GLIPR1L1: variants seen among roughly 807,000 people sequenced by gnomAD.
GLIPR1L1 encodes the protein GLIPR1 like 1, also known as GLIPR1-like protein 1.
GLIPR1L1 carries 26 observed loss-of-function variants against 29.9 expected under a neutral mutation model. The observed-to-expected ratio is 0.87, with a 90% CI of 0.64 to 1.21. The LOEUF (loss-of-function observed/expected upper bound fraction) is 1.21, where lower values mean the gene tolerates loss of function less well. GLIPR1L1 is among the 50% of genes most tolerant of loss of function. The probability of loss-of-function intolerance (pLI) is 0.00; values close to 1 mark genes in which losing one functional copy is unlikely to be tolerated. For missense variants in GLIPR1L1, 305 were observed against 290.3 expected (o/e 1.05, Z -0.37); for synonymous variants, 77 against 97.5 (o/e 0.79, Z 1.24).
intron 4 of GLIPR1L1, among the ~76,000 whole-genome samples, chr12:75,369,173 C>T (rs921259143): frequency 1.3e-4 from 20 of 151,862 alleles, no homozygotes; most frequent in Non-Finnish European, 2.1e-4. Flanking sequence ...ATTAAATACA[C>T]AAAATTATTT....
At chr12:75,335,363 G>GA (rs954545954) in intron 1 of GLIPR1L1, among the ~76,000 whole-genome samples, 1 of 151,712 alleles carries the variant, frequency 6.6e-6, no homozygotes, top group Admixed American at 6.6e-5. Context: ...AGTATTATTT[G>GA]AAAAAAATAC....
chr12:75,360,128 A>G (rs1355677674), intron 3 of GLIPR1L1: 1 of 152,116 alleles, frequency 6.6e-6, no homozygotes, highest in Non-Finnish European at 1.5e-5. Context: ...CTCTCTCAAC[A>G]TGTGGAGATT....
chr12:75,364,822 A>G (rs1389260234), intron 4 of GLIPR1L1: 1 of 152,148 alleles, frequency 6.6e-6, no homozygotes, highest in Non-Finnish European at 1.5e-5. Context: ...AAAATTTTTA[A>G]TATATAATTA....
intron 3 of GLIPR1L1, among the ~76,000 whole-genome samples, chr12:75,350,168 C>T (rs1055998839): frequency 6.6e-6 from 1 of 152,252 alleles, no homozygotes; most frequent in Non-Finnish European, 1.5e-5. Flanking sequence ...CACATTCCTT[C>T]TTGCCAGGCA....
intron 3 of GLIPR1L1, chr12:75,359,762 T>C (rs1245048384): frequency 6.6e-6 from 1 of 152,124 alleles, no homozygotes; most frequent in Non-Finnish European, 1.5e-5. Flanking sequence ...TAAATCATAC[T>C]GGAACAATTA....
intron 3 of GLIPR1L1, among the ~76,000 whole-genome samples, chr12:75,348,039 G>A (rs572228911): frequency 4.0e-4 from 61 of 152,186 alleles, no homozygotes; most frequent in Non-Finnish European, 2.5e-4. Context: ...GCTGGCAGAT[G>A]CTTCTCTAAT....
intron 3 of GLIPR1L1, among the ~76,000 whole-genome samples, chr12:75,353,864 T>C (rs1273703000): frequency 6.6e-6 from 1 of 152,078 alleles, no homozygotes; most frequent in Non-Finnish European, 1.5e-5. Flanking sequence ...TGTAATTCAT[T>C]ATATCATCAG....
intron 3 of GLIPR1L1, 118 bp from the exon 4 acceptor site, chr12:75,362,983 TA>T (rs1460625167): frequency 1.9e-6 from 1 of 530,030 alleles, no homozygotes; most frequent in Non-Finnish European, 3.4e-6. Context: ...GAGACATTAT[TA>T]TTTTTCATTT....
At chr12:75,356,984 C>T (rs2043195923) in intron 3 of GLIPR1L1, among the ~76,000 whole-genome samples, 1 of 151,990 alleles carries the variant, frequency 6.6e-6, no homozygotes, top group Admixed American at 6.6e-5. Context: ...GCAAGAAATT[C>T]AAGACCAGCC....
chr12:75,367,779 T>G (rs1383715719), intron 4 of GLIPR1L1, among the ~76,000 whole-genome samples: 1 of 152,148 alleles, frequency 6.6e-6, no homozygotes, highest in African/African-American at 2.4e-5. Context: ...TTCTAATCTT[T>G]ATATTATTTA....
At chr12:75,337,299 A>G (rs1028423585) in intron 1 of GLIPR1L1, among the ~76,000 whole-genome samples, 1 of 151,814 alleles carries the variant, frequency 6.6e-6, no homozygotes, top group African/African-American at 2.4e-5. Context: ...AAAATCAATA[A>G]TATCAAAAGT....
At chr12:75,349,969 G>C (rs1301294755) in intron 3 of GLIPR1L1, among the ~76,000 whole-genome samples, 2 of 152,240 alleles carry the variant, frequency 1.3e-5, no homozygotes, top group African/African-American at 2.4e-5. Flanking sequence ...GGGCAGGCTG[G>C]AGACTGCCTA....
intron 3 of GLIPR1L1, among the ~76,000 whole-genome samples, chr12:75,348,773 G>C (rs902191849): frequency 6.6e-6 from 1 of 152,136 alleles, no homozygotes; most frequent in African/African-American, 2.4e-5. Context: ...AATATACCCT[G>C]TCACTTGAAA....
At chr12:75,357,725 A>C (rs756112728) in intron 3 of GLIPR1L1, among the ~76,000 whole-genome samples, 3 of 152,076 alleles carry the variant, frequency 2.0e-5, no homozygotes, top group Non-Finnish European at 4.4e-5. Context: ...TCCAATGTCC[A>C]ATATTTGAAT....
At chr12:75,369,925 A>C (rs1333810790) in intron 4 of GLIPR1L1, 35 bp from the exon 5 acceptor site, 1 of 1,246,202 alleles carries the variant, frequency 8.0e-7, no homozygotes, top group Admixed American at 2.8e-5. Context: ...TTGTTTTATA[A>C]CATTTTATAA....
intron 3 of GLIPR1L1, among the ~76,000 whole-genome samples, chr12:75,351,721 AT>A: frequency 6.6e-6 from 1 of 152,026 alleles, no homozygotes; most frequent in East Asian, 1.9e-4. Flanking sequence ...TAATTTTTGT[AT>A]TTTTAGTACA....
intron 1 of GLIPR1L1, among the ~76,000 whole-genome samples, chr12:75,337,687 G>A (rs778278696): frequency 7.2e-5 from 11 of 151,858 alleles, no homozygotes; most frequent in East Asian, 1.9e-4. Context: ...TCATATATGC[G>A]TGCCATGTTA....
chr12:75,368,035 T>C (rs1271704011), intron 4 of GLIPR1L1, among the ~76,000 whole-genome samples: 1 of 152,142 alleles, frequency 6.6e-6, no homozygotes, highest in Non-Finnish European at 1.5e-5. Flanking sequence ...CTGCATCTCT[T>C]GAAATAATGC....
intron 1 of GLIPR1L1, among the ~76,000 whole-genome samples, chr12:75,338,233 A>G (rs1050448025): frequency 6.6e-6 from 1 of 152,190 alleles, no homozygotes; most frequent in Non-Finnish European, 1.5e-5. Flanking sequence ...CAACACATAT[A>G]AAGAATATTA....
Sources: gnomAD v4.1 joint callset for allele counts (sites outside exome capture counted in the v4.1 genomes callset) on GRCh38, gnomAD v4.1.1 for gene constraint, MANE v1.5 for transcripts, NCBI Gene and HGNC (gene_info 2026-07-23, HGNC 2026-07-21) for gene names.